Variants in ALK observed in about 807,000 individuals in gnomAD.
ALK encodes the protein ALK tyrosine kinase receptor.
A neutral mutation model predicts 163.1 loss-of-function variants in ALK; 74 were observed. The observed-to-expected ratio is 0.45, with a 90% CI of 0.38 to 0.55. The LOEUF (loss-of-function observed/expected upper bound fraction) is 0.55. Ranked by LOEUF, ALK falls within the 20% of genes least tolerant of loss-of-function variation. ALK has a pLI of 0.00. For missense variants in ALK, 2,063 were observed against 2,105.3 expected (o/e 0.98, Z 0.39); for synonymous variants, 960 against 843.2 (o/e 1.14, Z -2.40).
intron 4 of ALK, among the ~76,000 whole-genome samples, chr2:29,482,229 C>G (rs993664757): frequency 1.3e-5 from 2 of 152,092 alleles, no homozygotes; most frequent in Non-Finnish European, 2.9e-5. Context: ...TCAAGCTGGT[C>G]AGGATGGGAT....
At chr2:29,408,355 T>C (rs762134771) in intron 4 of ALK, among the ~76,000 whole-genome samples, 8 of 151,852 alleles carry the variant, frequency 5.3e-5, no homozygotes, top group Non-Finnish European at 7.4e-5. Flanking sequence ...CCCCACAAAG[T>C]GCTGGGATTA....
chr2:29,289,919 G>C (rs1375910059), intron 9 of ALK, among the ~76,000 whole-genome samples: 1 of 152,204 alleles, frequency 6.6e-6, no homozygotes, highest in African/African-American at 2.4e-5. Flanking sequence ...TTCTGCTCCA[G>C]CTCCCAGGAC....
intron 1 of ALK, among the ~76,000 whole-genome samples, chr2:29,876,288 A>G (rs1276067397): frequency 6.6e-6 from 1 of 152,150 alleles, no homozygotes; most frequent in African/African-American, 2.4e-5. Flanking sequence ...GATGGTAATG[A>G]TGACAGTGGT....
At chr2:29,197,426 T>G in intron 27 of ALK, 116 bp downstream of exon 27, 2 of 1,499,576 alleles carry the variant, frequency 1.3e-6, no homozygotes, top group Non-Finnish European at 1.8e-6. Flanking sequence ...TGGGGCATAT[T>G]AAAGGGAGGG....
chr2:29,710,528 GTGTGTA>G (rs1359314715), intron 2 of ALK, among the ~76,000 whole-genome samples: 2 of 148,434 alleles, frequency 1.3e-5, no homozygotes, highest in African/African-American at 5.2e-5. Context: ...GTGTGTGTGT[GTGTGTA>G]TGATGGAGTC....
intron 11 of ALK, among the ~76,000 whole-genome samples, chr2:29,256,659 A>G (rs1664956269): frequency 1.3e-5 from 2 of 151,476 alleles, no homozygotes; most frequent in South Asian, 4.2e-4. Flanking sequence ...AGTTCTAGCC[A>G]GGACAGACCA....
intron 1 of ALK, among the ~76,000 whole-genome samples, chr2:29,773,529 G>A (rs1379228408): frequency 1.3e-5 from 2 of 152,172 alleles, no homozygotes; most frequent in East Asian, 1.9e-4. Context: ...CAAGGACACT[G>A]GCACTGATGA....
chr2:29,619,344 G>A lies in ALK; in HGVS notation c.952+75506C>T, dbSNP rs191368391. On this transcript the variant is annotated intron_variant, in intron 3 of 28. Transcript: ENST00000389048. ...CCTTGGGTATCATTGGTGCTTTCAC[G>A]GAGCTGGCTCCTTTCCTGATTTCCA... Among the ~76,000 whole-genome samples the A allele has an allele frequency of 4.1e-4, 62 of 152,308 alleles. No individual in the cohort carries two copies. In the East Asian group the frequency reaches 4.2e-3, roughly 10 times the overall value.
intron 3 of ALK, among the ~76,000 whole-genome samples, chr2:29,580,481 G>T (rs1003037630): frequency 2.0e-5 from 3 of 152,186 alleles, no homozygotes; most frequent in Admixed American, 1.3e-4. Context: ...CCCAGCCACA[G>T]CACACGTCTC....
chr2:29,861,893 A>G (rs1420545006), intron 1 of ALK, among the ~76,000 whole-genome samples: 6 of 152,222 alleles, frequency 3.9e-5, no homozygotes, highest in Admixed American at 2.0e-4. Flanking sequence ...AATACTAGCA[A>G]AATGAATTCA....
At chr2:29,885,365 C>T (rs1008051365) in intron 1 of ALK, among the ~76,000 whole-genome samples, 33 of 152,068 alleles carry the variant, frequency 2.2e-4, no homozygotes, top group Admixed American at 3.9e-4. Context: ...TGGAAGAGAA[C>T]CCCAACAAAC....
At chr2:29,194,855 T>G (rs1668984691) in intron 28 of ALK, among the ~76,000 whole-genome samples, 1 of 152,126 alleles carries the variant, frequency 6.6e-6, no homozygotes, top group South Asian at 2.1e-4. Flanking sequence ...AATGCTGAAG[T>G]GCTGTGAGGA....
At chr2:29,803,198 C>T (rs191210850) in intron 1 of ALK, among the ~76,000 whole-genome samples, 6 of 152,246 alleles carry the variant, frequency 3.9e-5, no homozygotes, top group Admixed American at 3.3e-4. Flanking sequence ...CAATAGTCCA[C>T]GTAATTCAGA....
intron 5 of ALK, among the ~76,000 whole-genome samples, chr2:29,351,094 G>T (rs1468514423): frequency 1.3e-5 from 2 of 152,208 alleles, no homozygotes; most frequent in Non-Finnish European, 2.9e-5. Context: ...AACATTCATT[G>T]CTCCTATTTG....
At chr2:29,822,489 G>A (rs1665075019) in intron 1 of ALK, among the ~76,000 whole-genome samples, 1 of 152,188 alleles carries the variant, frequency 6.6e-6, no homozygotes, top group Non-Finnish European at 1.5e-5. Context: ...AAGTCACATG[G>A]TTTTTGGCTC....
rs144935037 is a variant in ALK at position 29,841,564 on chromosome 2, T to C, written c.667+78429A>G. Among the ~76,000 whole-genome samples the C allele has an allele frequency of 3.2e-3, 493 of 152,314 alleles. 4 individuals carry two copies. The highest frequency in any genetic ancestry group is 0.026 in the South Asian group (124 of 4,820). Reference sequence around the variant, plus strand: ...ATGTCTTCCACCAAATTTTGCTCAGTGTTCTTGGGAGCCCTCTATTGGCCT... The same window carrying C: ...ATGTCTTCCACCAAATTTTGCTCAGCGTTCTTGGGAGCCCTCTATTGGCCT... On this transcript the variant is annotated intron_variant, in intron 1 of 28. Coordinates refer to ENST00000389048, the MANE Select transcript of ALK (RefSeq NM_004304.5).
chr2:29,412,554 C>T (rs1669749962), intron 4 of ALK, among the ~76,000 whole-genome samples: 1 of 152,144 alleles, frequency 6.6e-6, no homozygotes. Flanking sequence ...AGGGAGGTTT[C>T]AACCATATTG....
chr2:29,838,067 T>TGAAATACA (rs1665606975), intron 1 of ALK, among the ~76,000 whole-genome samples: 1 of 152,008 alleles, frequency 6.6e-6, no homozygotes, highest in African/African-American at 2.4e-5. Context: ...AGAAATACAA[T>TGAAATACA]ATCTAAAATG....
intron 4 of ALK, among the ~76,000 whole-genome samples, chr2:29,433,304 G>A (rs1455163044): frequency 6.6e-6 from 1 of 152,132 alleles, no homozygotes. Flanking sequence ...ATTAGTGTAG[G>A]GTGGGGCTGG....
Sources: allele counts gnomAD v4.1 joint callset (sites outside exome capture counted in the v4.1 genomes callset), GRCh38; gene constraint gnomAD v4.1.1; transcripts MANE v1.5; gene names NCBI Gene and HGNC (gene_info 2026-07-23, HGNC 2026-07-21).